Variants in KANSL1 observed in about 807,000 individuals in gnomAD.
KANSL1 encodes MLL1/MLL complex subunit KANSL1.
Under a neutral mutation model 103.6 loss-of-function variants are expected in KANSL1, and 22 were observed. The ratio of observed to expected loss-of-function variants is 0.21; its 90% confidence interval spans 0.15 to 0.30. The LOEUF is 0.30. Among genes scored for constraint, KANSL1 ranks in the 10% least tolerant of loss-of-function variants. KANSL1 has a pLI of 1.00. For missense variants in KANSL1, 1,337 were observed against 1,399.8 expected, an observed-to-expected ratio of 0.96 and a Z score of 0.72; for synonymous variants, 600 against 527.6, an observed-to-expected ratio of 1.14 and a Z score of -1.88.
chr17:46,183,024 G>C (rs1021724129), intron 1 of KANSL1, among the ~76,000 whole-genome samples: 1 of 152,222 alleles, frequency 6.6e-6, no homozygotes, highest in Non-Finnish European at 1.5e-5. Flanking sequence ...GCAGTAAAGA[G>C]AGACACTACT....
At chr17:46,103,270 A>G (rs189061004) in intron 2 of KANSL1, among the ~76,000 whole-genome samples, 1 of 152,352 alleles carries the variant, frequency 6.6e-6, no homozygotes, top group East Asian at 1.9e-4. Flanking sequence ...GCTAAAAGAT[A>G]ATAAACTCCC....
intron 2 of KANSL1, among the ~76,000 whole-genome samples, chr17:46,117,492 C>CT (rs1033611580): frequency 5.9e-5 from 9 of 152,318 alleles, no homozygotes; most frequent in African/African-American, 2.2e-4. Flanking sequence ...CAATAAAGGT[C>CT]TGTTAAATAG....
chr17:46,183,017 G>C (rs561687099), intron 1 of KANSL1, among the ~76,000 whole-genome samples: 1 of 152,384 alleles, frequency 6.6e-6, no homozygotes, highest in African/African-American at 2.4e-5. Flanking sequence ...ACAAGCAGCA[G>C]TAAAGAGAGA....
chr17:46,116,674 G>A (rs2043061189), intron 2 of KANSL1, among the ~76,000 whole-genome samples: 2 of 151,898 alleles, frequency 1.3e-5, no homozygotes, highest in African/African-American at 2.4e-5. Context: ...GCCTCTTCCA[G>A]AGGTTCCCTT....
In KANSL1 at chr17:46,171,018, T is replaced by C. The variant is rs754713192; in HGVS notation, c.1126A>G (p.Ile376Val). ...GTAAATCTCTCCAATTCTTCTGAAA[T>C]TGAATTGCTTTTCAGAAAGTTGCTA... ...GLSNFLKSNSISEELERFTAS... is the reference protein window; with the variant it reads ...GLSNFLKSNSVSEELERFTAS... The change falls in exon 2 of 15, where the codon ATT becomes GTT. Residue 376 changes from isoleucine to valine, a missense_variant. This residue lies in a region of KANSL1 where 557 missense variants were observed against 476.4 expected (regional missense o/e 1.17). Transcript: ENST00000432791. 4 of 1,614,228 alleles carry C rather than the reference T, an allele frequency of 2.5e-6. 1 individual carries two copies. The South Asian group carries it at 3.3e-5, about 13-fold the overall frequency.
intron 2 of KANSL1, among the ~76,000 whole-genome samples, chr17:46,108,660 A>C (rs1487134348): frequency 6.6e-6 from 1 of 152,224 alleles, no homozygotes. Flanking sequence ...AAAGGGAAGG[A>C]AGGAAGCAGG....
chr17:46,185,757 C>T (rs1026125883), intron 1 of KANSL1, among the ~76,000 whole-genome samples: 1 of 151,504 alleles, frequency 6.6e-6, no homozygotes, highest in African/African-American at 2.4e-5. Flanking sequence ...CCCCATGGCT[C>T]ATGCCTGTAA....
At position 46,171,233 on chromosome 17, in the gene KANSL1, C is replaced by T. The variant is rs1484397126; in HGVS notation, c.911G>A (p.Arg304His). 11 of 1,614,100 alleles carry T rather than the reference C, an allele frequency of 6.8e-6. No homozygotes were observed. The highest frequency in any genetic ancestry group is 2.2e-5 in the East Asian group (1 of 44,870). Residue 304 changes from arginine to histidine, a missense_variant, in exon 2 of 15, where the codon CGC becomes CAC. Physicochemically the swap from Arg to His is conservative, Grantham distance 29 (BLOSUM62 0). Around this residue, in one of 2 missense-constraint regions of KANSL1, gnomAD observed 557 missense variants for 476.4 expected, o/e 1.17. Transcript: ENST00000432791. ...IESRARRLQK[R>H]LQVVQAKQVE... ...CTGCTTGGCTTGCACAACCTGTAAG[C>T]GCTTTTGTAATCTGCGGGCACGGCT...
At chr17:46,189,676 G>C (rs906921366) in intron 1 of KANSL1, among the ~76,000 whole-genome samples, 13 of 152,112 alleles carry the variant, frequency 8.5e-5, no homozygotes. Context: ...TTGAGGTCAG[G>C]AGTTCGAGAC....
intron 7 of KANSL1, chr17:46,041,228 C>T (rs148598496): frequency 6.6e-6 from 1 of 152,334 alleles, no homozygotes; most frequent in African/African-American, 2.4e-5. Flanking sequence ...GACATAAGTA[C>T]ATCATCTACA....
chr17:46,126,314 C>T (rs1240898826), intron 2 of KANSL1, among the ~76,000 whole-genome samples: 6 of 152,074 alleles, frequency 3.9e-5, no homozygotes, highest in Non-Finnish European at 4.4e-5. Flanking sequence ...TGGTGATGGG[C>T]GCCTGTAATC....
chr17:46,062,907 G>A (rs1174196242), intron 6 of KANSL1, among the ~76,000 whole-genome samples: 1 of 151,966 alleles, frequency 6.6e-6, no homozygotes, highest in Non-Finnish European at 1.5e-5. Context: ...AAAAATAGCT[G>A]GGCGTGGTGG....
At chr17:46,047,802 T>TAAAAAAAAAAAAAAAAAAAA (rs66740033) in intron 7 of KANSL1, among the ~76,000 whole-genome samples, 1 of 120,138 alleles carries the variant, frequency 8.3e-6, no homozygotes, top group Admixed American at 7.8e-5. Context: ...AAATAAAAAT[T>TAAAAAAAAAAAAAAAAAAAA]AAAAAAAAAA....
chr17:46,090,272 G>C (rs1379347142), intron 3 of KANSL1, among the ~76,000 whole-genome samples: 1 of 152,198 alleles, frequency 6.6e-6, no homozygotes, highest in Non-Finnish European at 1.5e-5. Context: ...TGGCCCTTTT[G>C]ACACCATAAT....
At chr17:46,143,620 CG>C (rs1420331701) in intron 2 of KANSL1, among the ~76,000 whole-genome samples, 5 of 151,964 alleles carry the variant, frequency 3.3e-5, no homozygotes, top group Admixed American at 6.6e-5. Context: ...CTGGTTAACA[CG>C]GTGAAACCCT....
Position 46,030,580 on chromosome 17 carries a change from G to A in KANSL1, c.*896C>T, listed in dbSNP as rs980362743. On this transcript the variant is annotated 3_prime_UTR_variant, in exon 15 of 15. Transcript: ENST00000432791. The stretch of plus-strand genomic sequence containing the variant: ...GGATGTGAAGGAAACATGGCAAAGT[G>A]AATCAGAGGGAAAAAAAAAAAAAAT... The A allele has an allele frequency of 4.2e-5, 6 of 141,608 alleles. No homozygotes were observed. The highest frequency in any genetic ancestry group is 7.0e-5 in the Admixed American group (1 of 14,220). 8.8% of individuals were successfully genotyped at this position (141,608 alleles called of 1,614,324 possible).
intron 6 of KANSL1, among the ~76,000 whole-genome samples, chr17:46,057,890 G>C (rs2077990068): frequency 6.6e-6 from 1 of 152,228 alleles, no homozygotes; most frequent in African/African-American, 2.4e-5. Flanking sequence ...CAGAGTAATA[G>C]TGATCAGATT....
At chr17:46,038,843 G>T in intron 9 of KANSL1, 157 bp from the exon 10 acceptor site, 1 of 1,155,674 alleles carries the variant, frequency 8.7e-7, no homozygotes, top group Non-Finnish European at 1.2e-6. Flanking sequence ...GGGAAGTAGG[G>T]GCAGGGCAGA....
At chr17:46,152,579 CA>C (rs1276778751) in intron 2 of KANSL1, among the ~76,000 whole-genome samples, 4 of 108,128 alleles carry the variant, frequency 3.7e-5, no homozygotes, top group South Asian at 2.5e-4. Context: ...ACAATAGACA[CA>C]AAGGGGGGGG....
Sources: gnomAD v4.1 joint callset for allele counts (sites outside exome capture counted in the v4.1 genomes callset) on GRCh38, gnomAD v4.1.1 for gene constraint, gnomAD v4.1.1 regional missense constraint, MANE v1.5 for transcripts, NCBI Gene and HGNC (gene_info 2026-07-23, HGNC 2026-07-21) for gene names.